PTRH1: variants seen among roughly 807,000 people sequenced by gnomAD.
The protein encoded by PTRH1 is peptidyl-tRNA hydrolase 1 homolog, also known as peptidyl-tRNA hydrolase.
In PTRH1, 13 loss-of-function variants were observed where a neutral mutation model predicts 15.7. The ratio of observed to expected loss-of-function variants is 0.83; its 90% CI spans 0.54 to 1.31. The LOEUF is 1.31. Ranked by LOEUF, PTRH1 falls within the 40% of genes most tolerant of loss-of-function variation. The pLI is 0.00. For missense variants in PTRH1, 319 were observed against 296.2 expected (o/e 1.08, Z -0.56); for synonymous variants, 139 against 136.7 (o/e 1.02, Z -0.12).
chr9:127,714,862 G>A lies in PTRH1; in HGVS notation c.316+113C>T, dbSNP rs2131599490. ...GCCATGCAGCAACTGGAGCTCAACAGGTACTTGGAGGTGAACCCGCGGATC... is the reference window on the plus strand; with the variant it reads ...GCCATGCAGCAACTGGAGCTCAACAAGTACTTGGAGGTGAACCCGCGGATC... On this transcript the variant is annotated intron_variant, in intron 2 of 4. Transcript: ENST00000543175. The A allele has an allele frequency of 1.1e-5, 12 of 1,047,164 alleles. 1 individual carries two copies. The South Asian group carries it at 1.4e-4, about 12-fold the overall frequency. 64.9% of individuals were successfully genotyped at this position (1,047,164 alleles called of 1,614,324 possible). A position where few individuals can be genotyped will look rare whatever the true frequency, so the allele number is the denominator to read the frequency against.
downstream of PTRH1, chr9:127,709,581 C>A (rs780542156): frequency 1.2e-6 from 2 of 1,614,100 alleles, no homozygotes. The surrounding 1 kb of genome is among the most constrained non-coding windows in gnomAD (Gnocchi z 4.7). Context: ...AGCTCCAGAA[C>A]TTGCAGCTAG....
chr9:127,714,765 C>T, intron 2 of PTRH1, 63 bp from the exon 3 acceptor site: 2 of 1,382,656 alleles, frequency 1.4e-6, no homozygotes, highest in South Asian at 1.2e-5. Context: ...ACTGTCCCGA[C>T]TCCCATGATG....
At chr9:127,709,328 A>T, downstream of PTRH1, 1 of 1,339,436 alleles carries the variant, frequency 7.5e-7, no homozygotes, top group South Asian at 1.4e-5. The surrounding 1 kb of genome is among the most constrained non-coding windows in gnomAD (Gnocchi z 4.7). Context: ...ATGCCCCTTT[A>T]CGGGACAGGG....
Position 127,714,125 on chromosome 9 carries a change from C to T in PTRH1, c.620G>A (p.Ser207Asn). The T allele has an allele frequency of 6.2e-7, 1 of 1,613,480 alleles. No individual in the cohort carries two copies. Among genetic ancestry groups the T allele is most frequent in the South Asian group, 1.1e-5 (1 of 91,026 alleles). The change falls in exon 5 of 5, where the codon AGC (serine) becomes AAC (asparagine). Residue 207 changes from serine (S) to asparagine (N), a missense_variant. Coordinates refer to ENST00000543175, the MANE Select transcript of PTRH1 (RefSeq NM_001002913.3). Reference sequence around the variant, plus strand: ...TCACGGCCCCAGTGAGGGCCCCTGGCTTCGCTCACGGATGTGGTCCAAGAT... The same window carrying T: ...TCACGGCCCCAGTGAGGGCCCCTGGTTTCGCTCACGGATGTGGTCCAAGAT... ...DLILDHIRERSQGPSLGP is the reference protein window; with the variant it reads ...DLILDHIRERNQGPSLGP
rs957769517 is a variant in PTRH1, at chr9:127,715,143, T to C, written c.148A>G (p.Met50Val). ...GLPGTRHSVG[M>V]AVLGQLARRL... ...CGCGCCAGCTGCCCCAGCACCGCCA[T>C]GCCCACGCTGTGTCGCGTGCCGGGC... is the stretch of plus-strand genomic sequence containing the variant. Residue 50 changes from methionine to valine, a missense_variant, in exon 2 of 5, where the codon ATG becomes GTG. By Grantham distance (21) the Met-to-Val change is conservative. Transcript: ENST00000543175. This position sits in a 1 kb window ranked among gnomAD's most constrained non-coding sequence, Gnocchi z 5.8. The C allele has an allele frequency of 6.5e-7, 1 of 1,537,158 alleles. No individual in the cohort carries two copies. The highest frequency in any genetic ancestry group is 1.4e-5 in the African/African-American group (1 of 73,118).
At chr9:127,700,738 A>T (rs1842597055) in intron 1 of PTRH1, among the ~76,000 whole-genome samples, 1 of 152,216 alleles carries the variant, frequency 6.6e-6, no homozygotes. Context: ...GCAGCTAAAC[A>T]AGTTCTAGAT....
chr9:127,712,350 G>A (rs562137135), downstream of PTRH1: 1 of 1,613,786 alleles, frequency 6.2e-7, no homozygotes, highest in African/African-American at 1.3e-5. Flanking sequence ...CATTCTGCAG[G>A]TGAGCAGAAG....
In PTRH1 at chr9:127,714,439, G is replaced by T. The variant is rs771549697; in HGVS notation, c.417-15C>A. On this transcript the variant is annotated splice_polypyrimidine_tract_variant and intron_variant, in intron 3 of 4. Coordinates refer to ENST00000543175, the MANE Select transcript of PTRH1 (RefSeq NM_001002913.3). Reference sequence around the variant, plus strand: ...CATTGTGGCCCCTTCAAGGGATATGGGAGGGGCAGTTAGTGCCTCCCTGGG... The same window carrying T: ...CATTGTGGCCCCTTCAAGGGATATGTGAGGGGCAGTTAGTGCCTCCCTGGG... 6.8e-6 allele frequency: 11 copies of T among 1,614,020 alleles called. No homozygotes were observed. Among genetic ancestry groups the T allele is most frequent in the Non-Finnish European group, 9.3e-6 (11 of 1,179,988 alleles).
At chr9:127,713,343 C>A (rs1005644784), downstream of PTRH1, 28 of 700,934 alleles carry the variant, frequency 4.0e-5, no homozygotes, top group Middle Eastern at 1.2e-3. Context: ...GTAAAATGGG[C>A]TGAAGAAAGG....
intron 1 of PTRH1, among the ~76,000 whole-genome samples, chr9:127,704,469 G>A (rs1842627427): frequency 7.0e-6 from 1 of 142,046 alleles, no homozygotes. Flanking sequence ...TGGTGCCACT[G>A]CACTCCAGCC....
At chr9:127,707,106 G>C (rs377081638) in intron 1 of PTRH1, 1 of 1,613,890 alleles carries the variant, frequency 6.2e-7, no homozygotes, top group Non-Finnish European at 8.5e-7. Flanking sequence ...AGAAGGAGCC[G>C]GTGGTGGCCG....
At chr9:127,707,353 C>T (rs1329910489) in intron 1 of PTRH1, among the ~76,000 whole-genome samples, 2 of 152,232 alleles carry the variant, frequency 1.3e-5, no homozygotes, top group African/African-American at 4.8e-5. Flanking sequence ...TCATACGTAC[C>T]TTTGGGAGGT....
intron 1 of PTRH1, among the ~76,000 whole-genome samples, chr9:127,700,022 A>T (rs2131577123): frequency 6.6e-6 from 1 of 152,230 alleles, no homozygotes; most frequent in Admixed American, 6.5e-5. Context: ...CTCTACTAAA[A>T]ATACAAAAAC....
chr9:127,704,454 C>T (rs1031362759), intron 1 of PTRH1, among the ~76,000 whole-genome samples: 3 of 144,858 alleles, frequency 2.1e-5, no homozygotes, highest in Non-Finnish European at 4.5e-5. Context: ...GGTTGCGAGC[C>T]GAGATGGTGC....
At chr9:127,711,744 A>G, downstream of PTRH1, 2 of 1,494,122 alleles carry the variant, frequency 1.3e-6, no homozygotes, top group Non-Finnish European at 1.8e-6. Context: ...GCATAGGGGA[A>G]CACGGGAGGC....
chr9:127,695,275 T>C, intron 1 of PTRH1: 1 of 596,294 alleles, frequency 1.7e-6, no homozygotes, highest in Non-Finnish European at 3.0e-6. Context: ...CAGTTGCATA[T>C]GTCAACATGA....
At chr9:127,711,175 CCAGGG>C, downstream of PTRH1, 5 of 1,586,632 alleles carry the variant, frequency 3.2e-6, no homozygotes, top group Non-Finnish European at 3.4e-6. Flanking sequence ...AGGGGTGTGC[CCAGGG>C]CTTGTGCCCG....
At chr9:127,711,912 G>A (rs1243194458), downstream of PTRH1, 1 of 1,604,930 alleles carries the variant, frequency 6.2e-7, no homozygotes, top group South Asian at 1.1e-5. Flanking sequence ...AGTTGGAGCA[G>A]AGATCCCTGC....
chr9:127,712,630 C>A (rs766823909), downstream of PTRH1: 2 of 1,610,626 alleles, frequency 1.2e-6, no homozygotes, highest in Non-Finnish European at 1.7e-6. Context: ...TGGAAATGGG[C>A]ACTGAGGTTG....
Sources: allele counts gnomAD v4.1 joint callset (sites outside exome capture counted in the v4.1 genomes callset), GRCh38; gene constraint gnomAD v4.1.1; non-coding constraint Gnocchi (gnomAD v3.1); transcripts MANE v1.5; gene names NCBI Gene and HGNC (gene_info 2026-07-23, HGNC 2026-07-21).